Variants in PREX2 observed in about 807,000 individuals in gnomAD.
PREX2 encodes phosphatidylinositol 3,4,5-trisphosphate-dependent Rac exchanger 2 protein.
In PREX2, 107 loss-of-function variants were observed where a neutral mutation model predicts 203.2. That is an observed-to-expected ratio of 0.53 (90% confidence interval 0.45 to 0.62). PREX2 has a LOEUF of 0.62. Among genes scored for constraint, PREX2 ranks in the 20% least tolerant of loss-of-function variants. PREX2 has a pLI of 0.00. For synonymous variants in PREX2, 672 were observed against 663.6 expected, an observed-to-expected ratio of 1.01 and a Z score of -0.19; for missense variants, 1,777 against 1,955.9, an observed-to-expected ratio of 0.91 and a Z score of 1.72.
intron 13 of PREX2, among the ~76,000 whole-genome samples, chr8:68,072,134 T>C (rs1373567848): frequency 1.6e-4 from 24 of 152,160 alleles, no homozygotes; most frequent in Non-Finnish European, 2.6e-4. Context: ...GTATTTCATT[T>C]CACTTAAAGT....
intron 5 of PREX2, among the ~76,000 whole-genome samples, chr8:68,028,666 G>T (rs1807799408): frequency 6.6e-6 from 1 of 151,884 alleles, no homozygotes; most frequent in African/African-American, 2.4e-5. Context: ...TTGCAAATGT[G>T]TCTCCTTTTT....
chr8:68,196,255 A>T (rs1585857987), intron 37 of PREX2, among the ~76,000 whole-genome samples: 1 of 150,574 alleles, frequency 6.6e-6, no homozygotes, highest in Admixed American at 6.6e-5. Flanking sequence ...TTTAATTAAT[A>T]TAATATAATT....
intron 35 of PREX2, among the ~76,000 whole-genome samples, chr8:68,161,826 G>A (rs142550647): frequency 6.6e-5 from 10 of 152,124 alleles, no homozygotes; most frequent in African/African-American, 2.4e-4. Flanking sequence ...GTTTGCATTA[G>A]TTTGTTCTCA....
chr8:67,987,371 C>T (rs977295465), intron 1 of PREX2, among the ~76,000 whole-genome samples: 29 of 152,070 alleles, frequency 1.9e-4, no homozygotes, highest in African/African-American at 7.0e-4. Flanking sequence ...TTTCTTTGTA[C>T]TGTCTGGTCA....
At chr8:68,038,751 A>C (rs1808109194) in intron 7 of PREX2, among the ~76,000 whole-genome samples, 1 of 152,032 alleles carries the variant, frequency 6.6e-6, no homozygotes, top group Admixed American at 6.6e-5. Flanking sequence ...TCTCACTGTC[A>C]CACATGAATT....
chr8:68,046,609 A>T (rs747308938), intron 8 of PREX2, among the ~76,000 whole-genome samples: 14 of 152,148 alleles, frequency 9.2e-5, no homozygotes, highest in Non-Finnish European at 1.9e-4. Context: ...CAGGATATTT[A>T]GTTGTCATAA....
At position 68,055,714 on chromosome 8, in the gene PREX2, T is replaced by C. The variant is rs554714569; in HGVS notation, c.1094-116T>C. 71 of 953,848 alleles carry C rather than the reference T, an allele frequency of 7.4e-5. No homozygotes were observed. The East Asian group carries it at 1.7e-3, about 23-fold the overall frequency. The allele number at this position is 953,848 out of a possible 1,614,324, so 59.1% of individuals were successfully genotyped here. ...GGGCACTATTATACAGAGATCTGTA[T>C]CCACAACCCCCAGCACATGGTAGAC... is the stretch of plus-strand genomic sequence containing the variant. On this transcript the variant is annotated intron_variant, in intron 9 of 39. Coordinates refer to ENST00000288368, the MANE Select transcript of PREX2 (RefSeq NM_024870.4).
intron 17 of PREX2, among the ~76,000 whole-genome samples, chr8:68,081,427 A>G (rs1019017976): frequency 6.6e-6 from 1 of 152,040 alleles, no homozygotes; most frequent in African/African-American, 2.4e-5. Flanking sequence ...GAGTCCTTCA[A>G]CTGTGAACTT....
chr8:68,132,645 T>C (rs1563559578), intron 31 of PREX2, among the ~76,000 whole-genome samples: 1 of 152,158 alleles, frequency 6.6e-6, no homozygotes, highest in Non-Finnish European at 1.5e-5. Flanking sequence ...TATGCCTTTT[T>C]TGTCAATAAA....
Position 67,960,002 on chromosome 8 carries a change from T to C in PREX2, c.141+7467T>C, listed in dbSNP as rs1368773754. Among the ~76,000 whole-genome samples, 9 of 152,096 alleles carry C rather than the reference T, an allele frequency of 5.9e-5. 1 individual carries two copies. Among genetic ancestry groups the C allele is most frequent in the Admixed American group, 5.9e-4 (9 of 15,268 alleles). ...TCAGCTTCTGTAGGTAAAGTCCTGA[T>C]AGGTAGGAAGTGTTTCTTCCTTTTC... On this transcript the variant is annotated intron_variant, in intron 1 of 39. Coordinates refer to ENST00000288368, the MANE Select transcript of PREX2 (RefSeq NM_024870.4).
intron 3 of PREX2, among the ~76,000 whole-genome samples, chr8:68,020,207 C>T (rs1010530951): frequency 2.0e-5 from 3 of 152,030 alleles, no homozygotes; most frequent in African/African-American, 7.2e-5. Flanking sequence ...ATTACACATC[C>T]TGTGCCTGTA....
intron 4 of PREX2, 85 bp downstream of exon 4, chr8:68,022,225 A>C: frequency 1.4e-6 from 1 of 727,686 alleles, no homozygotes; most frequent in Non-Finnish European, 2.5e-6. Flanking sequence ...ATATGGAGTA[A>C]AAATCTGTGG....
chr8:68,119,148 T>C (rs1810716174), intron 27 of PREX2, among the ~76,000 whole-genome samples: 1 of 152,214 alleles, frequency 6.6e-6, no homozygotes, highest in African/African-American at 2.4e-5. Flanking sequence ...AATCTTAATT[T>C]TTGATTATGC....
At chr8:68,114,727 A>AT (rs1191660061) in intron 25 of PREX2, among the ~76,000 whole-genome samples, 1 of 152,084 alleles carries the variant, frequency 6.6e-6, no homozygotes, top group African/African-American at 2.4e-5. Context: ...TGGCTTGCAG[A>AT]TTTACCCCAT....
At chr8:68,056,997 T>C (rs1377121896) in intron 10 of PREX2, among the ~76,000 whole-genome samples, 2 of 152,182 alleles carry the variant, frequency 1.3e-5, no homozygotes, top group African/African-American at 2.4e-5. Context: ...AGGCTACCTC[T>C]GCCTCCCTCA....
chr8:68,175,280 G>A (rs1274045214), intron 35 of PREX2, among the ~76,000 whole-genome samples: 1 of 152,168 alleles, frequency 6.6e-6, no homozygotes, highest in East Asian at 1.9e-4. Flanking sequence ...GGCTGAAAGT[G>A]AAGTTGGGGG....
At chr8:68,188,457 C>T (rs554915641) in intron 35 of PREX2, among the ~76,000 whole-genome samples, 3 of 152,152 alleles carry the variant, frequency 2.0e-5, no homozygotes, top group Non-Finnish European at 4.4e-5. Context: ...TTTAATAGAT[C>T]GAAACAGGCT....
intron 11 of PREX2, among the ~76,000 whole-genome samples, chr8:68,061,071 G>A (rs1808835231): frequency 6.6e-6 from 1 of 152,162 alleles, no homozygotes; most frequent in South Asian, 2.1e-4. Flanking sequence ...GTATTTGGGA[G>A]TGCTTCATGG....
chr8:67,991,595 C>G (rs1318411321), intron 1 of PREX2, among the ~76,000 whole-genome samples: 1 of 152,154 alleles, frequency 6.6e-6, no homozygotes, highest in Non-Finnish European at 1.5e-5. Flanking sequence ...CGCTAACTAT[C>G]ATGAGAATAG....
Sources: allele counts gnomAD v4.1 joint callset (sites outside exome capture counted in the v4.1 genomes callset), GRCh38; gene constraint gnomAD v4.1.1; transcripts MANE v1.5; gene names NCBI Gene and HGNC (gene_info 2026-07-23, HGNC 2026-07-21).